The following DYNC1I1 variants were observed in gnomAD, a reference collection of about 807,000 sequenced individuals.
DYNC1I1 encodes the protein cytoplasmic dynein 1 intermediate chain 1.
A neutral mutation model predicts 86.6 loss-of-function variants in DYNC1I1; 43 were observed. That is an observed-to-expected ratio of 0.50 (90% CI 0.39 to 0.64). DYNC1I1 has a LOEUF of 0.64. Among genes scored for constraint, DYNC1I1 ranks in the 30% least tolerant of loss-of-function variants. The pLI is 0.00. For missense variants in DYNC1I1, 604 were observed against 788.8 expected, an observed-to-expected ratio of 0.77 and a Z score of 2.81; for synonymous variants, 262 against 283.7, an observed-to-expected ratio of 0.92 and a Z score of 0.77.
chr7:96,018,838 C>G (rs1182665965), intron 10 of DYNC1I1, among the ~76,000 whole-genome samples: 2 of 152,266 alleles, frequency 1.3e-5, no homozygotes, highest in South Asian at 2.1e-4. Flanking sequence ...GGGAAATATC[C>G]AGACCTACAT....
At chr7:95,845,765 GT>G (rs1453842298) in intron 5 of DYNC1I1, among the ~76,000 whole-genome samples, 1 of 152,098 alleles carries the variant, frequency 6.6e-6, no homozygotes, top group Non-Finnish European at 1.5e-5. Flanking sequence ...TTATAAATTG[GT>G]TTTAACAGAA....
intron 1 of DYNC1I1, among the ~76,000 whole-genome samples, chr7:95,801,607 C>T (rs1411405032): frequency 6.6e-6 from 1 of 152,154 alleles, no homozygotes; most frequent in African/African-American, 2.4e-5. Flanking sequence ...AGAAGATTCT[C>T]CTGGCTGCTT....
intron 14 of DYNC1I1, among the ~76,000 whole-genome samples, chr7:96,063,761 T>G (rs2116183727): frequency 6.6e-6 from 1 of 152,296 alleles, no homozygotes; most frequent in South Asian, 2.1e-4. Context: ...CATATGAATT[T>G]GATGATGGAG....
chr7:95,952,803 TC>T (rs1195635511), intron 6 of DYNC1I1, among the ~76,000 whole-genome samples: 6 of 152,140 alleles, frequency 3.9e-5, no homozygotes, highest in African/African-American at 1.4e-4. Flanking sequence ...CCTTCCTCTG[TC>T]CTTTTATGCA....
intron 5 of DYNC1I1, among the ~76,000 whole-genome samples, chr7:95,868,120 ACT>A (rs1365514481): frequency 6.6e-6 from 1 of 151,982 alleles, no homozygotes; most frequent in Non-Finnish European, 1.5e-5. Flanking sequence ...CCCAGCCTGG[ACT>A]CTCTTGCATT....
intron 5 of DYNC1I1, among the ~76,000 whole-genome samples, chr7:95,858,287 T>C (rs1469470728): frequency 6.6e-6 from 1 of 152,172 alleles, no homozygotes; most frequent in East Asian, 1.9e-4. Context: ...GGATTTTGTA[T>C]GCTTAGGGGC....
intron 6 of DYNC1I1, among the ~76,000 whole-genome samples, chr7:95,895,809 A>G (rs1790868585): frequency 6.6e-6 from 1 of 152,336 alleles, no homozygotes; most frequent in East Asian, 1.9e-4. Flanking sequence ...CACACAGCAA[A>G]TTTCAACAAT....
At chr7:95,903,310 A>G (rs1791088010) in intron 6 of DYNC1I1, among the ~76,000 whole-genome samples, 1 of 152,148 alleles carries the variant, frequency 6.6e-6, no homozygotes, top group Non-Finnish European at 1.5e-5. Flanking sequence ...GTTTTGTGCC[A>G]TTTTACCCAA....
chr7:96,095,625 A>G (rs1302385570), intron 16 of DYNC1I1, among the ~76,000 whole-genome samples: 16 of 152,144 alleles, frequency 1.1e-4, no homozygotes. Flanking sequence ...TACCATGATT[A>G]GGCTTTTGTC....
chr7:95,828,733 TAAAAG>T (rs533502876), intron 5 of DYNC1I1, among the ~76,000 whole-genome samples: 110 of 152,228 alleles, frequency 7.2e-4, no homozygotes, highest in African/African-American at 2.6e-3. Context: ...TATCACAAGT[TAAAAG>T]AAAACCTCAG....
intron 14 of DYNC1I1, among the ~76,000 whole-genome samples, chr7:96,046,214 G>A (rs1459410217): frequency 1.3e-5 from 2 of 152,178 alleles, no homozygotes; most frequent in Admixed American, 1.3e-4. Flanking sequence ...TTTAGGGAAT[G>A]AGGCTGGAAA....
intron 16 of DYNC1I1, among the ~76,000 whole-genome samples, chr7:96,096,109 C>T (rs897464166): frequency 6.6e-6 from 1 of 152,088 alleles, no homozygotes; most frequent in Non-Finnish European, 1.5e-5. Context: ...ATTCTTGAAA[C>T]ATTTAGCCTT....
rs372593255 is a variant in DYNC1I1, at chr7:96,097,569, A to G, written c.1863A>G (p.Glu621=). 49 of 1,613,652 alleles carry G rather than the reference A, an allele frequency of 3.0e-5. No individual in the cohort carries two copies. The highest frequency in any genetic ancestry group is 4.0e-5 in the Non-Finnish European group (47 of 1,179,764). Residue 621 remains glutamate, a synonymous_variant, in exon 17 of 17, where the codon GAA becomes GAG. Transcript: ENST00000447467. ...CTAACAGAGCTGATAGCGAGGAGGA[A>G]GGCACTGTTGAGTTATCTGCCTAGT... The part of the protein sequence containing the change: ...IRANRADSEE[E]GTVELSA
chr7:95,898,874 G>A (rs1016285855), intron 6 of DYNC1I1, among the ~76,000 whole-genome samples: 1 of 152,072 alleles, frequency 6.6e-6, no homozygotes, highest in African/African-American at 2.4e-5. Context: ...GATTAGACTC[G>A]AAGATTTCAT....
At chr7:96,071,120 C>G (rs1790146436) in intron 14 of DYNC1I1, among the ~76,000 whole-genome samples, 1 of 151,948 alleles carries the variant, frequency 6.6e-6, no homozygotes, top group South Asian at 2.1e-4. Flanking sequence ...TTATTACTTC[C>G]ATAATTTTAA....
chr7:95,998,203 T>C (rs554169967), intron 10 of DYNC1I1, among the ~76,000 whole-genome samples: 67 of 152,254 alleles, frequency 4.4e-4, no homozygotes, highest in Non-Finnish European at 5.7e-4. Context: ...ACTTTAGAGG[T>C]TACCCAGCTA....
chr7:95,888,901 C>A (rs188900168), intron 6 of DYNC1I1, among the ~76,000 whole-genome samples: 18 of 152,232 alleles, frequency 1.2e-4, no homozygotes, highest in African/African-American at 4.3e-4. Context: ...CCACTTAAAT[C>A]TGTAATTTTG....
chr7:95,895,004 G>A (rs1261462805), intron 6 of DYNC1I1, among the ~76,000 whole-genome samples: 1 of 152,162 alleles, frequency 6.6e-6, no homozygotes, highest in Non-Finnish European at 1.5e-5. Context: ...GCAGTTTTCA[G>A]TGCATCTCAT....
chr7:95,866,767 C>G (rs1790027168), intron 5 of DYNC1I1, among the ~76,000 whole-genome samples: 1 of 152,132 alleles, frequency 6.6e-6, no homozygotes, highest in Non-Finnish European at 1.5e-5. Context: ...TAAGGAATTG[C>G]TTTAAAATTA....
Sources: allele counts gnomAD v4.1 joint callset (sites outside exome capture counted in the v4.1 genomes callset), GRCh38; gene constraint gnomAD v4.1.1; transcripts MANE v1.5; gene names NCBI Gene and HGNC (gene_info 2026-07-23, HGNC 2026-07-21).